The following MLLT1 variants were observed in gnomAD, a reference collection of about 807,000 sequenced individuals.
The protein encoded by MLLT1 is MLLT1 super elongation complex subunit, also known as protein ENL.
Under a neutral mutation model 55.1 loss-of-function variants are expected in MLLT1, and 11 were observed. The observed-to-expected ratio is 0.20, with a 90% CI of 0.13 to 0.33. MLLT1 has a LOEUF of 0.33. Among genes scored for constraint, MLLT1 ranks in the 10% least tolerant of loss-of-function variants. MLLT1 has a pLI of 1.00. For missense variants in MLLT1, 536 were observed against 760.6 expected (o/e 0.70, Z 3.47); for synonymous variants, 323 against 320.1 (o/e 1.01, Z -0.10).
intron 1 of MLLT1, among the ~76,000 whole-genome samples, chr19:6,279,054 G>A (rs1009816935): frequency 6.6e-5 from 10 of 152,042 alleles, no homozygotes; most frequent in African/African-American, 2.4e-4. Flanking sequence ...GCTGCAGCCG[G>A]GGCAGGATCA....
At chr19:6,233,534 GGACAT>G (rs2091032266) in intron 3 of MLLT1, among the ~76,000 whole-genome samples, 1 of 152,198 alleles carries the variant, frequency 6.6e-6, no homozygotes, top group African/African-American at 2.4e-5. Context: ...GCTTGGGTAA[GGACAT>G]GGAAGGGAGG....
intron 1 of MLLT1, among the ~76,000 whole-genome samples, chr19:6,276,068 C>T (rs1312847624): frequency 6.6e-6 from 1 of 152,218 alleles, no homozygotes; most frequent in East Asian, 1.9e-4. Context: ...TGTATTTAAC[C>T]AGCAGCTGGC....
Position 6,230,812 on chromosome 19 carries a change from C to T in MLLT1, c.277-99G>A. 1 of 1,427,004 alleles carries T rather than the reference C, an allele frequency of 7.0e-7. No homozygotes were observed. The highest frequency in any genetic ancestry group is 9.6e-7 in the Non-Finnish European group (1 of 1,042,726). The allele number at this position is 1,427,004 out of a possible 1,614,324, so 88.4% of individuals were successfully genotyped here. The stretch of plus-strand genomic sequence containing the variant: ...TGGTCCTCCCCTCTCCCTCACTGGG[C>T]CTCTGTTCCCCTCCCTCCGATTTGC... On this transcript the variant is annotated intron_variant, in intron 3 of 11. Coordinates refer to ENST00000252674, the MANE Select transcript of MLLT1 (RefSeq NM_005934.4). This position sits in a 1 kb window ranked among gnomAD's most constrained non-coding sequence, Gnocchi z 9.0.
intron 1 of MLLT1, among the ~76,000 whole-genome samples, chr19:6,272,129 AGAAG>A (rs2091400702): frequency 8.2e-6 from 1 of 121,840 alleles, no homozygotes; most frequent in South Asian, 2.4e-4. Flanking sequence ...TCACTCCCTC[AGAAG>A]GAAGCCCGAG....
intron 2 of MLLT1, among the ~76,000 whole-genome samples, chr19:6,265,143 G>A (rs1455154723): frequency 2.0e-5 from 3 of 151,052 alleles, no homozygotes; most frequent in South Asian, 4.2e-4. Flanking sequence ...AAAAAAACAG[G>A]TCACATATAA....
intron 5 of MLLT1, among the ~76,000 whole-genome samples, chr19:6,223,193 G>A (rs1187202965): frequency 2.0e-5 from 3 of 152,092 alleles, no homozygotes; most frequent in African/African-American, 7.2e-5. Flanking sequence ...TCTGAGCCCC[G>A]TCGGCCCCTC....
At chr19:6,278,630 C>A (rs1473301079) in intron 1 of MLLT1, among the ~76,000 whole-genome samples, 1 of 152,134 alleles carries the variant, frequency 6.6e-6, no homozygotes, top group Non-Finnish European at 1.5e-5. Context: ...TGTGACGTGA[C>A]CAACCAGCCT....
In MLLT1 at chr19:6,212,702, C is replaced by A; in HGVS notation, c.*340G>T. On this transcript the variant is annotated 3_prime_UTR_variant, in exon 12 of 12. Coordinates refer to ENST00000252674, the MANE Select transcript of MLLT1 (RefSeq NM_005934.4). ...GAAAGGCTGGGGCAGCGACGCCGCA[C>A]AGCCCGCCGAGCAGTGGGGGCTGGT... 1 of 1,139,212 alleles carries A rather than the reference C, an allele frequency of 8.8e-7. No individual in the cohort carries two copies. The highest frequency in any genetic ancestry group is 4.6e-5 in the Admixed American group (1 of 21,822). 70.6% of individuals were successfully genotyped at this position (1,139,212 alleles called of 1,614,324 possible). A position where few individuals can be genotyped will look rare whatever the true frequency, so the allele number is the denominator to read the frequency against.
intron 2 of MLLT1, among the ~76,000 whole-genome samples, chr19:6,269,651 C>G (rs2091379169): frequency 6.6e-6 from 1 of 152,140 alleles, no homozygotes; most frequent in African/African-American, 2.4e-5. Context: ...TCCCGGGAAG[C>G]TCTTGCTTCA....
chr19:6,270,870 C>CACTGGGTTGAGAGCGTA lies in MLLT1; in HGVS notation c.13-112_13-111insTACGCTCTCAACCCAGT. The stretch of plus-strand genomic sequence containing the variant: ...AAGACCCCCAGCAGTGCAATACGCT[C>CACTGGGTTGAGAGCGTA]TCAACCCAGTGAGCAGCACACAGAC... On this transcript the variant is annotated intron_variant, in intron 1 of 11. Transcript: ENST00000252674. The surrounding 1 kb of genome is among the most constrained non-coding windows in gnomAD (Gnocchi z 7.1). 2 of 1,036,344 alleles carry CACTGGGTTGAGAGCGTA rather than the reference C, an allele frequency of 1.9e-6. No individual in the cohort carries two copies. Among genetic ancestry groups the CACTGGGTTGAGAGCGTA allele is most frequent in the Non-Finnish European group, 2.7e-6 (2 of 729,590 alleles). 64.2% of individuals were successfully genotyped at this position (1,036,344 alleles called of 1,614,324 possible). A position where few individuals can be genotyped will look rare whatever the true frequency, so the allele number is the denominator to read the frequency against.
chr19:6,223,557 G>A (rs984650513), intron 5 of MLLT1, among the ~76,000 whole-genome samples: 1 of 152,206 alleles, frequency 6.6e-6, no homozygotes, highest in African/African-American at 2.4e-5. Context: ...ATCTGTGCCT[G>A]CTTCCTCGAG....
chr19:6,213,334 T>C lies in MLLT1; in HGVS notation c.1551+3A>G. ...CCGGGCAGGACCCTCAGGGGGGCGA[T>C]ACCTGCTGCAGCACGTTGCGCTCCC... is the stretch of plus-strand genomic sequence containing the variant. On this transcript the variant is annotated splice_donor_region_variant and intron_variant, in intron 11 of 11. Coordinates refer to ENST00000252674, the MANE Select transcript of MLLT1 (RefSeq NM_005934.4). 1.2e-6 allele frequency: 2 copies of C among 1,612,312 alleles called. No homozygotes were observed. The highest frequency in any genetic ancestry group is 1.7e-6 in the Non-Finnish European group (2 of 1,179,822).
At position 6,222,474 on chromosome 19, in the gene MLLT1, C is replaced by G; in HGVS notation, c.757G>C (p.Glu253Gln). 1 of 1,589,518 alleles carries G rather than the reference C, an allele frequency of 6.3e-7. No individual in the cohort carries two copies. The highest frequency in any genetic ancestry group is 8.5e-7 in the Non-Finnish European group (1 of 1,173,696). ...GTCTCTTTCAGGGCCATCTTGGGTT[C>G]CTTGAAGGCAGCCTTGGGCGGTGGC... is the stretch of plus-strand genomic sequence containing the variant. ...KAPPPKAAFK[E>Q]PKMALKETKL... Residue 253 changes from glutamate (E) to glutamine (Q), a missense_variant, in exon 6 of 12, where the codon GAA (glutamate) becomes CAA (glutamine). Glu to Gln is a conservative substitution (Grantham distance 29). This residue lies in a region of MLLT1 where 449 missense variants were observed against 489.0 expected (regional missense o/e 0.92). Coordinates refer to ENST00000252674, the MANE Select transcript of MLLT1 (RefSeq NM_005934.4). This position sits in a 1 kb window ranked among gnomAD's most constrained non-coding sequence, Gnocchi z 4.1.
chr19:6,279,264 A>C (rs895576837), intron 1 of MLLT1, among the ~76,000 whole-genome samples: 2 of 152,140 alleles, frequency 1.3e-5, no homozygotes, highest in Non-Finnish European at 2.9e-5. Flanking sequence ...ACAAGGGTCC[A>C]GACAGGAAAG....
In MLLT1 at chr19:6,234,310, C is replaced by T. The variant is rs544351191; in HGVS notation, c.277-3597G>A. On this transcript the variant is annotated intron_variant, in intron 3 of 11. Coordinates refer to ENST00000252674, the MANE Select transcript of MLLT1 (RefSeq NM_005934.4). ...TTGGCCGCCCCTGCGGAGGGGGAGC[C>T]CTGTCCGGAGGTGGAGGAGGGTTTT... 4.9e-4 allele frequency among the ~76,000 whole-genome samples: 74 copies of T among 152,310 alleles called. 2 individuals carry two copies. In the South Asian group the frequency reaches 0.015, roughly 31 times the overall value.
chr19:6,268,456 GA>G (rs1240270073), intron 2 of MLLT1, among the ~76,000 whole-genome samples: 1 of 152,226 alleles, frequency 6.6e-6, no homozygotes, highest in East Asian at 1.9e-4. Context: ...CAGCCCCGGG[GA>G]GGGAGGACTA....
chr19:6,267,140 C>T (rs1018642595), intron 2 of MLLT1, among the ~76,000 whole-genome samples: 4 of 151,960 alleles, frequency 2.6e-5, no homozygotes, highest in Non-Finnish European at 5.9e-5. Context: ...TTCGCTCTGT[C>T]GCCCAGGCCG....
At chr19:6,220,241 G>C (rs577602728) in intron 6 of MLLT1, among the ~76,000 whole-genome samples, 1 of 152,366 alleles carries the variant, frequency 6.6e-6, no homozygotes, top group South Asian at 2.1e-4. Flanking sequence ...GGAAGCCAAG[G>C]GGCCAGTGGT....
chr19:6,220,160 C>A (rs1156660610), intron 6 of MLLT1, among the ~76,000 whole-genome samples: 1 of 152,236 alleles, frequency 6.6e-6, no homozygotes, highest in African/African-American at 2.4e-5. Context: ...GGTGCAGATT[C>A]TTCCGATGGC....
Sources: allele counts gnomAD v4.1 joint callset (sites outside exome capture counted in the v4.1 genomes callset), GRCh38; gene constraint gnomAD v4.1.1; regional missense constraint gnomAD v4.1.1; non-coding constraint Gnocchi (gnomAD v3.1); transcripts MANE v1.5; gene names NCBI Gene and HGNC (gene_info 2026-07-23, HGNC 2026-07-21).